The following MCC variants were observed in gnomAD, a reference collection of about 807,000 sequenced individuals.
MCC encodes the protein colorectal mutant cancer protein.
A neutral mutation model predicts 116.2 loss-of-function variants in MCC; 90 were observed. The observed-to-expected ratio is 0.77, with a 90% CI of 0.65 to 0.92. The LOEUF (loss-of-function observed/expected upper bound fraction) is 0.92, where lower values mean the gene tolerates loss of function less well. MCC is among the 40% of genes least tolerant of loss of function. MCC has a pLI of 0.00. For missense variants in MCC, 1,516 were observed against 1,312.2 expected, an observed-to-expected ratio of 1.16 and a Z score of -2.40; for synonymous variants, 578 against 510.5, an observed-to-expected ratio of 1.13 and a Z score of -1.78.
At chr5:113,043,984 G>A (rs1751906309) in intron 16 of MCC, among the ~76,000 whole-genome samples, 1 of 125,274 alleles carries the variant, frequency 8.0e-6, no homozygotes, top group Admixed American at 8.9e-5. Flanking sequence ...TTTTACCAAG[G>A]AGGGAATGAA....
In MCC at chr5:113,044,762, C is replaced by T. The variant is rs557411350; in HGVS notation, c.2656-1132G>A. Among the ~76,000 whole-genome samples the T allele has an allele frequency of 5.9e-5, 9 of 152,088 alleles. No homozygotes were observed. In the South Asian group the frequency reaches 1.4e-3, roughly 24 times the overall value. ...GCTAATTTTGTATTTTTAGTAGAGA[C>T]GGGGTTTCTCCATGTTGGTCAGGCT... On this transcript the variant is annotated intron_variant, in intron 16 of 18. Coordinates refer to ENST00000408903, the MANE Select transcript of MCC (RefSeq NM_001085377.2).
intron 1 of MCC, among the ~76,000 whole-genome samples, chr5:113,393,668 T>C (rs529695849): frequency 1.1e-4 from 17 of 152,334 alleles, no homozygotes; most frequent in African/African-American, 2.9e-4. Context: ...CTAGAGACAG[T>C]AGTCTAATTC....
intron 3 of MCC, among the ~76,000 whole-genome samples, chr5:113,184,675 G>A (rs900984762): frequency 6.6e-6 from 1 of 151,860 alleles, no homozygotes; most frequent in African/African-American, 2.4e-5. Context: ...GGTCAACAAG[G>A]ATTATTTTTA....
chr5:113,442,217 C>T (rs1450452157), intron 1 of MCC, among the ~76,000 whole-genome samples: 5 of 152,268 alleles, frequency 3.3e-5, no homozygotes, highest in Admixed American at 6.5e-5. Flanking sequence ...GATAGTAACT[C>T]ATTGTGGTTT....
At chr5:113,451,565 T>C (rs573055254) in intron 1 of MCC, among the ~76,000 whole-genome samples, 16 of 152,212 alleles carry the variant, frequency 1.1e-4, no homozygotes, top group African/African-American at 3.9e-4. Flanking sequence ...AGAGACCTCG[T>C]CTCTACTAAA....
intron 3 of MCC, among the ~76,000 whole-genome samples, chr5:113,287,351 CAG>C (rs1445070016): frequency 1.3e-5 from 2 of 152,060 alleles, no homozygotes; most frequent in South Asian, 4.1e-4. Context: ...TTTTTTGAGA[CAG>C]AGTCTCGCTC....
intron 1 of MCC, among the ~76,000 whole-genome samples, chr5:113,412,304 T>C (rs1770014990): frequency 6.6e-6 from 1 of 152,254 alleles, no homozygotes; most frequent in African/African-American, 2.4e-5. Flanking sequence ...TCCAGTTCTG[T>C]GAAGAAAGTC....
At chr5:113,087,123 C>T (rs112685257) in intron 8 of MCC, among the ~76,000 whole-genome samples, 2,266 of 152,292 alleles carry the variant, frequency 0.015, 46 homozygotes, top group African/African-American at 0.044. Context: ...AGGCACATGG[C>T]CCCTTCTCTA....
intron 3 of MCC, among the ~76,000 whole-genome samples, chr5:113,293,913 C>T (rs1261490275): frequency 6.6e-6 from 1 of 152,106 alleles, no homozygotes; most frequent in African/African-American, 2.4e-5. Flanking sequence ...AATGCGTCCC[C>T]CTCACCACCA....
chr5:113,231,089 C>T (rs1005893034), intron 3 of MCC, among the ~76,000 whole-genome samples: 3 of 152,118 alleles, frequency 2.0e-5, no homozygotes, highest in East Asian at 1.9e-4. Context: ...ATTCCAGAAA[C>T]GTTTCCTAAG....
intron 3 of MCC, among the ~76,000 whole-genome samples, chr5:113,195,951 G>A (rs1448467510): frequency 6.6e-6 from 1 of 152,182 alleles, no homozygotes; most frequent in Non-Finnish European, 1.5e-5. Context: ...CCCTCAGGGA[G>A]AAGGATGTTT....
chr5:113,329,652 A>G (rs1388881187), intron 3 of MCC, among the ~76,000 whole-genome samples: 1 of 152,200 alleles, frequency 6.6e-6, no homozygotes, highest in African/African-American at 2.4e-5. Context: ...AATAATAGAT[A>G]CAATTCTTTA....
intron 2 of MCC, among the ~76,000 whole-genome samples, chr5:113,362,232 G>A (rs913289433): frequency 2.0e-5 from 3 of 152,098 alleles, no homozygotes; most frequent in African/African-American, 7.2e-5. Flanking sequence ...TCACCATGTT[G>A]GCCAGGCTGG....
intron 18 of MCC, 149 bp downstream of exon 18, chr5:113,028,785 G>A (rs1046108976): frequency 1.2e-6 from 1 of 847,772 alleles, no homozygotes; most frequent in African/African-American, 1.7e-5. Context: ...CAGGCTCTTA[G>A]AGAGCCAGGT....
At position 113,167,001 on chromosome 5, in the gene MCC, T is replaced by C. The variant is rs150443164; in HGVS notation, c.628-15579A>G. 1.0e-3 allele frequency among the ~76,000 whole-genome samples: 158 copies of C among 152,294 alleles called. 1 individual carries two copies. The highest frequency in any genetic ancestry group is 3.7e-3 in the African/African-American group (154 of 41,570). On this transcript the variant is annotated intron_variant, in intron 3 of 18. Transcript: ENST00000408903. ...ACAAGGTACAGCGATGGCTGTGGAA[T>C]TACTCTCCCGGAAAACCTTTCCAGT...
At chr5:113,386,540 C>T (rs914265223) in intron 1 of MCC, among the ~76,000 whole-genome samples, 6 of 152,002 alleles carry the variant, frequency 3.9e-5, no homozygotes, top group African/African-American at 9.7e-5. Flanking sequence ...GTCTTCTCCC[C>T]GAAATGCTTT....
chr5:113,443,066 T>C (rs537227025), intron 1 of MCC, among the ~76,000 whole-genome samples: 2 of 152,338 alleles, frequency 1.3e-5, no homozygotes, highest in South Asian at 2.1e-4. Context: ...GGGGATGGCA[T>C]TGAATCTATA....
intron 1 of MCC, among the ~76,000 whole-genome samples, chr5:113,441,364 A>T (rs1044538923): frequency 6.6e-6 from 1 of 152,132 alleles, no homozygotes; most frequent in Non-Finnish European, 1.5e-5. Flanking sequence ...AAAACAAAAA[A>T]CAAGTTCTCT....
intron 14 of MCC, among the ~76,000 whole-genome samples, chr5:113,057,770 TCAA>T (rs1438267964): frequency 6.6e-6 from 1 of 152,166 alleles, no homozygotes; most frequent in Non-Finnish European, 1.5e-5. Context: ...TCACAAATCA[TCAA>T]CACTGATGTG....
Sources: gnomAD v4.1 joint callset for allele counts (sites outside exome capture counted in the v4.1 genomes callset) on GRCh38, gnomAD v4.1.1 for gene constraint, MANE v1.5 for transcripts, NCBI Gene and HGNC (gene_info 2026-07-23, HGNC 2026-07-21) for gene names.